The following FBN3 variants were observed in gnomAD, a reference collection of about 807,000 sequenced individuals.
The protein encoded by FBN3 is fibrillin 3.
A neutral mutation model predicts 330.1 loss-of-function variants in FBN3; 234 were observed. The observed-to-expected ratio is 0.71, with a 90% CI of 0.64 to 0.79. The LOEUF (loss-of-function observed/expected upper bound fraction) is 0.79, where lower values mean the gene tolerates loss of function less well. Ranked by LOEUF, FBN3 falls within the 30% of genes least tolerant of loss-of-function variation. The probability of loss-of-function intolerance (pLI) is 0.00; values close to 1 mark genes in which losing one functional copy is unlikely to be tolerated. For missense variants in FBN3, 3,606 were observed against 3,886.9 expected (o/e 0.93, Z 1.92); for synonymous variants, 1,458 against 1,517.3 (o/e 0.96, Z 0.91).
In FBN3 at chr19:8,095,520, G is replaced by C. The variant is rs897378469; in HGVS notation, c.5657-17C>G. 1 of 1,609,842 alleles carries C rather than the reference G, an allele frequency of 6.2e-7. No homozygotes were observed. The highest frequency in any genetic ancestry group is 8.5e-7 in the Non-Finnish European group (1 of 1,177,908). ...CATCAAAATCTGTAGAGGGGAGATG[G>C]GCAGGCCAGTTCACCCACAAAACTT... On this transcript the variant is annotated splice_polypyrimidine_tract_variant and intron_variant, in intron 45 of 63. Coordinates refer to ENST00000600128, the MANE Select transcript of FBN3 (RefSeq NM_032447.5).
At chr19:8,092,105 G>C (rs750359616) in intron 47 of FBN3, among the ~76,000 whole-genome samples, 13 of 151,846 alleles carry the variant, frequency 8.6e-5, no homozygotes, top group Non-Finnish European at 1.9e-4. Flanking sequence ...ATGAACCCGG[G>C]AGGCAGAGCT....
rs752990011 is a variant in FBN3 at position 8,138,421 on chromosome 19, G to A, written c.1009C>T (p.Arg337Trp). 1.2e-5 allele frequency: 20 copies of A among 1,611,734 alleles called. No individual in the cohort carries two copies. The highest frequency in any genetic ancestry group is 1.7e-5 in the Admixed American group (1 of 59,818). Residue 337 changes from arginine (R) to tryptophan (W), a missense_variant, in exon 9 of 64, where the codon CGG becomes TGG. Transcript: ENST00000600128. ...AGPVPELCPP[R>W]GSNEFQQLCA... ...TGCAGCTCTTACTCACTGGAGCCCC[G>A]AGGAGGACACAGCTCAGGGACCGGG...
At position 8,065,624 on chromosome 19, in the gene FBN3, GAT is replaced by G; in HGVS notation, c.*293_*294del. On this transcript the variant is annotated 3_prime_UTR_variant, in exon 64 of 64. Coordinates refer to ENST00000600128, the MANE Select transcript of FBN3 (RefSeq NM_032447.5). ...GTGCAGTACAGAAGTGAAAGCCTGA[GAT>G]TGGCCAGACACGGTGACCACAGGGC... The G allele has an allele frequency of 2.3e-6, 1 of 428,504 alleles. No homozygotes were observed. The highest frequency in any genetic ancestry group is 4.1e-5 in the Admixed American group (1 of 24,640). 26.5% of individuals were successfully genotyped at this position (428,504 alleles called of 1,614,324 possible).
chr19:8,066,651 C>A (rs942587528), intron 63 of FBN3, among the ~76,000 whole-genome samples: 3 of 152,044 alleles, frequency 2.0e-5, no homozygotes, highest in African/African-American at 7.3e-5. Context: ...GAGGCCGAGG[C>A]GGGTGGATCA....
intron 63 of FBN3, among the ~76,000 whole-genome samples, chr19:8,070,852 G>A (rs1468168276): frequency 6.6e-6 from 1 of 152,118 alleles, no homozygotes; most frequent in Non-Finnish European, 1.5e-5. Context: ...AAGAAACCCC[G>A]TCTCTACTAA....
In FBN3 at chr19:8,146,214, G is replaced by C. The variant is rs369838031; in HGVS notation, c.262C>G (p.Arg88Gly). 13 of 1,593,720 alleles carry C rather than the reference G, an allele frequency of 8.2e-6. No individual in the cohort carries two copies. The Admixed American group carries it at 2.3e-4, about 28-fold the overall frequency. Residue 88 changes from arginine (R) to glycine (G), a missense_variant, in exon 4 of 64, where the codon CGC (arginine) becomes GGC (glycine). By Grantham distance (125) the Arg-to-Gly change is moderately radical. Coordinates refer to ENST00000600128, the MANE Select transcript of FBN3 (RefSeq NM_032447.5). ...RSQCVVPICR[R>G]ACGEGFCSQP... ...GAGCAGAAGCCTTCACCGCAGGCGCGCCTACAGATGGCTGGATGAGTGCAG... is the reference window on the plus strand; with the variant it reads ...GAGCAGAAGCCTTCACCGCAGGCGCCCCTACAGATGGCTGGATGAGTGCAG...
chr19:8,111,624 G>GC, intron 32 of FBN3, 24 bp downstream of exon 32: 16 of 1,453,524 alleles, frequency 1.1e-5, no homozygotes, highest in Non-Finnish European at 1.4e-5. Flanking sequence ...TAGGGCCCCT[G>GC]CCCTCCCACC....
chr19:8,100,042 G>A (rs1023651399), intron 41 of FBN3, among the ~76,000 whole-genome samples: 1 of 151,220 alleles, frequency 6.6e-6, no homozygotes, highest in East Asian at 1.9e-4. Context: ...GGAGCAATTT[G>A]ACACAAACTG....
chr19:8,095,289 T>A, intron 46 of FBN3, 86 bp downstream of exon 46: 1 of 1,388,212 alleles, frequency 7.2e-7, no homozygotes, highest in Non-Finnish European at 9.8e-7. Context: ...AGTAAATGGA[T>A]CTATGCTCAC....
chr19:8,124,460 G>C (rs144025001), intron 22 of FBN3, among the ~76,000 whole-genome samples: 1 of 151,404 alleles, frequency 6.6e-6, no homozygotes, highest in African/African-American at 2.4e-5. Context: ...TGGCCAGGCT[G>C]ATCTCGAACT....
At chr19:8,116,852 A>C (rs2045538183) in intron 28 of FBN3, 53 bp from the exon 29 acceptor site, 1 of 1,581,136 alleles carries the variant, frequency 6.3e-7, no homozygotes, top group Non-Finnish European at 8.6e-7. Flanking sequence ...TAGACCACCC[A>C]GTACACATCT....
chr19:8,110,027 C>A (rs1023022517), intron 34 of FBN3, among the ~76,000 whole-genome samples: 1 of 152,170 alleles, frequency 6.6e-6, no homozygotes, highest in African/African-American at 2.4e-5. Context: ...ATGCAGTCAA[C>A]ATATGAAAAT....
At chr19:8,102,355 C>T (rs972032205) in intron 40 of FBN3, among the ~76,000 whole-genome samples, 6 of 151,996 alleles carry the variant, frequency 3.9e-5, no homozygotes, top group East Asian at 3.9e-4. Flanking sequence ...GCTGGGATTA[C>T]GGGCCTGCGC....
chr19:8,089,563 T>C lies in FBN3; in HGVS notation c.6358A>G (p.Thr2120Ala), dbSNP rs748269974. 1.2e-6 allele frequency: 2 copies of C among 1,614,114 alleles called. No individual in the cohort carries two copies. The highest frequency in any genetic ancestry group is 1.7e-6 in the Non-Finnish European group (2 of 1,179,984). ...CACTCACCCACACAGTTGATGCCAG[T>C]GAAGTCCAGGCTGTAGCCAAAGGGA... ...ECPFGYSLDF[T>A]GINCVDTDEC... Residue 2120 changes from threonine to alanine, a missense_variant, in exon 51 of 64, where the codon ACT becomes GCT. Thr to Ala is a moderately conservative substitution (Grantham distance 58). Coordinates refer to ENST00000600128, the MANE Select transcript of FBN3 (RefSeq NM_032447.5).
intron 59 of FBN3, 138 bp downstream of exon 59, chr19:8,080,865 A>C (rs1285894557): frequency 1.6e-6 from 1 of 629,144 alleles, no homozygotes; most frequent in East Asian, 2.8e-5. Flanking sequence ...CAGATGATCC[A>C]CCCGCTTCAG....
At position 8,125,889 on chromosome 19, in the gene FBN3, C is replaced by T; in HGVS notation, c.2731+3G>A. On this transcript the variant is annotated splice_donor_region_variant and intron_variant, in intron 22 of 63. Coordinates refer to ENST00000600128, the MANE Select transcript of FBN3 (RefSeq NM_032447.5). ...CCTGTATGCGGACCTCGCCTGGACT[C>T]ACCCACGCACAGCCGGCCTGAGGCG... 1 of 1,609,912 alleles carries T rather than the reference C, an allele frequency of 6.2e-7. No homozygotes were observed. Among genetic ancestry groups the T allele is most frequent in the South Asian group, 1.1e-5 (1 of 90,684 alleles).
At chr19:8,082,892 C>A (rs1034890050) in intron 57 of FBN3, among the ~76,000 whole-genome samples, 1 of 144,238 alleles carries the variant, frequency 6.9e-6, no homozygotes, top group African/African-American at 2.6e-5. Flanking sequence ...GCACAATCAG[C>A]TCACTGCAGC....
intron 13 of FBN3, 129 bp from the exon 14 acceptor site, chr19:8,133,235 T>C (rs1292919924): frequency 1.7e-6 from 2 of 1,177,970 alleles, no homozygotes; most frequent in Non-Finnish European, 2.3e-6. Flanking sequence ...AAGCTGTGGT[T>C]GTCTGTGACT....
At chr19:8,118,215 A>T (rs116463709) in intron 26 of FBN3, among the ~76,000 whole-genome samples, 6,788 of 152,174 alleles carry the variant, frequency 0.045, 458 homozygotes, top group African/African-American at 0.15. Flanking sequence ...TCACACACAA[A>T]CACACCTCTA....
Sources: gnomAD v4.1 joint callset for allele counts (sites outside exome capture counted in the v4.1 genomes callset) on GRCh38, gnomAD v4.1.1 for gene constraint, MANE v1.5 for transcripts, NCBI Gene and HGNC (gene_info 2026-07-23, HGNC 2026-07-21) for gene names.